DNAJB13: variants seen among roughly 807,000 people sequenced by gnomAD.
DNAJB13 encodes dnaJ homolog subfamily B member 13.
DNAJB13 carries 22 observed loss-of-function variants against 35.6 expected under a neutral mutation model. The ratio of observed to expected loss-of-function variants is 0.62; its 90% CI spans 0.44 to 0.88. The LOEUF (loss-of-function observed/expected upper bound fraction) is 0.88. Ranked by LOEUF, DNAJB13 falls within the 40% of genes least tolerant of loss-of-function variation. The pLI, the probability that DNAJB13 is intolerant of heterozygous loss-of-function variation, is 0.00. For synonymous variants in DNAJB13, 136 were observed against 144.2 expected (o/e 0.94, Z 0.41); for missense variants, 370 against 384.3 (o/e 0.96, Z 0.31).
chr11:73,958,409 T>TGCTGAGTG lies in DNAJB13; in HGVS notation c.162_169dup (p.Asp57GlyfsTer2). On this transcript the variant is annotated frameshift_variant, in exon 2 of 8. Transcript: ENST00000339764. LOFTEE classifies it high-confidence loss of function. ...AGGCAAATAGCAGAGGCCTACGACGTGCTGAGTGACCGTGAGTAGGTGTGG... is the reference window on the plus strand; with the variant it reads ...AGGCAAATAGCAGAGGCCTACGACGTGCTGAGTGGCTGAGTGACCGTGAGTAGGTGTGG... The TGCTGAGTG allele has an allele frequency of 6.2e-7, 1 of 1,614,104 alleles. No homozygotes were observed. Among genetic ancestry groups the TGCTGAGTG allele is most frequent in the South Asian group, 1.1e-5 (1 of 91,078 alleles).
intron 1 of DNAJB13, among the ~76,000 whole-genome samples, chr11:73,953,972 G>A (rs1262979920): frequency 1.4e-5 from 2 of 147,548 alleles, no homozygotes; most frequent in Non-Finnish European, 3.0e-5. Flanking sequence ...GGGCGACAGA[G>A]CGAGACTCTG....
chr11:73,953,534 G>T (rs1031130395), intron 1 of DNAJB13, among the ~76,000 whole-genome samples: 2 of 152,180 alleles, frequency 1.3e-5, no homozygotes, highest in Non-Finnish European at 2.9e-5. Context: ...TACGTGACGG[G>T]TTTCATGCAC....
chr11:73,954,629 C>CAA lies in DNAJB13; in HGVS notation c.68+3503_68+3504dup, dbSNP rs371177631. On this transcript the variant is annotated intron_variant, in intron 1 of 7. Transcript: ENST00000339764. ...TGGGCAACAGAGTGAGACTCCGTCT[C>CAA]AAAAAAAAAAAATAAAATAAATAAA... Among the ~76,000 whole-genome samples the CAA allele has an allele frequency of 8.1e-3, 902 of 111,658 alleles. 10 individuals are homozygous for CAA. Among genetic ancestry groups the CAA allele is most frequent in the African/African-American group, 0.029 (813 of 28,084 alleles). 73.3% of individuals were successfully genotyped at this position (111,658 alleles called of 152,430 possible). A position where few individuals can be genotyped will look rare whatever the true frequency, so the allele number is the denominator to read the frequency against.
At chr11:73,952,357 G>A (rs1216671646) in intron 1 of DNAJB13, among the ~76,000 whole-genome samples, 8 of 152,220 alleles carry the variant, frequency 5.3e-5, no homozygotes, top group African/African-American at 1.7e-4. Flanking sequence ...TGTTTTGAGT[G>A]TGTAGGTGCT....
chr11:73,951,254 C>G, intron 1 of DNAJB13, 117 bp downstream of exon 1: 2 of 1,250,464 alleles, frequency 1.6e-6, no homozygotes, highest in African/African-American at 1.5e-5. Flanking sequence ...CTTGTTCCTC[C>G]TTTCACTTCT....
intron 1 of DNAJB13, among the ~76,000 whole-genome samples, chr11:73,956,824 GTA>G (rs1308519899): frequency 1.6e-4 from 20 of 127,100 alleles, no homozygotes; most frequent in African/African-American, 6.0e-4. Context: ...AAAAAAAAAA[GTA>G]TATGTCTGGG....
At chr11:73,954,642 T>TA (rs372270433) in intron 1 of DNAJB13, among the ~76,000 whole-genome samples, 5 of 100,336 alleles carry the variant, frequency 5.0e-5, no homozygotes, top group South Asian at 3.6e-4. Context: ...AAAAAAAAAA[T>TA]AAAATAAATA....
chr11:73,956,243 G>A (rs1370175277), intron 1 of DNAJB13, among the ~76,000 whole-genome samples: 1 of 152,170 alleles, frequency 6.6e-6, no homozygotes, highest in Non-Finnish European at 1.5e-5. Context: ...CTAGAAAGGA[G>A]GCTAACAATC....
intron 3 of DNAJB13, chr11:73,963,991 T>C (rs1041494805): frequency 7.9e-5 from 12 of 152,186 alleles, no homozygotes; most frequent in African/African-American, 2.2e-4. Flanking sequence ...AGCGTTTTGT[T>C]TGGGCTCCCT....
At chr11:73,956,223 G>T (rs1005850705) in intron 1 of DNAJB13, among the ~76,000 whole-genome samples, 4 of 152,152 alleles carry the variant, frequency 2.6e-5, no homozygotes, top group African/African-American at 9.7e-5. Flanking sequence ...CTTGGGAAGG[G>T]GAGTCTAACC....
At position 73,966,169 on chromosome 11, in the gene DNAJB13, TC is replaced by T. The variant is rs757887310; in HGVS notation, c.525del (p.Lys176ArgfsTer5). 7 of 1,613,624 alleles carry T rather than the reference TC, an allele frequency of 4.3e-6. No homozygotes were observed. Among genetic ancestry groups the T allele is most frequent in the Non-Finnish European group, 5.9e-6 (7 of 1,179,912 alleles). On this transcript the variant is annotated frameshift_variant, in exon 5 of 8. Coordinates refer to ENST00000339764, the MANE Select transcript of DNAJB13 (RefSeq NM_153614.4). LOFTEE classifies it high-confidence loss of function. ...VLNEDGYSSTIKDKILTIDVK... is the reference protein window; with the variant it reads ...VLNEDGYSSTXKDKILTIDVK... ...AACGAGGATGGGTACTCCTCCACCA[TC>T]AAGGACAAGATCCTGACCATTGATG...
intron 4 of DNAJB13, chr11:73,965,311 C>A (rs1330059448): frequency 7.0e-6 from 2 of 285,350 alleles, no homozygotes; most frequent in Non-Finnish European, 1.3e-5. Context: ...TCAGCCCCAT[C>A]CCCGTGGGAA....
intron 1 of DNAJB13, 31 bp from the exon 2 acceptor site, chr11:73,958,286 A>G (rs1340868946): frequency 1.2e-6 from 2 of 1,609,578 alleles, no homozygotes; most frequent in African/African-American, 1.3e-5. Flanking sequence ...AGACCAGCTG[A>G]TAAGACTTGT....
At chr11:73,954,000 A>AAATAATAATAATAAT (rs71467812) in intron 1 of DNAJB13, among the ~76,000 whole-genome samples, 1 of 136,472 alleles carries the variant, frequency 7.3e-6, no homozygotes. Context: ...AATAATAATA[A>AAATAATAATAATAAT]AATAATAATA....
intron 7 of DNAJB13, 29 bp downstream of exon 7, chr11:73,969,351 G>C: frequency 1.2e-6 from 1 of 869,438 alleles, no homozygotes; most frequent in Non-Finnish European, 2.0e-6. Context: ...GGCCCCAGTA[G>C]CCAAGAGAAG....
intron 3 of DNAJB13, chr11:73,963,704 T>A (rs1478544116): frequency 6.6e-6 from 1 of 152,216 alleles, no homozygotes; most frequent in Non-Finnish European, 1.5e-5. Context: ...GCCTCTTGAT[T>A]GCCCATCGCA....
At chr11:73,959,362 C>A in intron 2 of DNAJB13, 132 bp from the exon 3 acceptor site, 2 of 1,009,184 alleles carry the variant, frequency 2.0e-6, no homozygotes, top group South Asian at 2.0e-5. Flanking sequence ...CCAAAGACTG[C>A]CAGACAGCAG....
rs185895395 is a variant in DNAJB13, at chr11:73,963,063, C to T, written c.335-1815C>T. ...GCAATCGGCCGGGCATGGTGGCTCA[C>T]ACCTGTAATCCCAGCACTTCAGGAG... On this transcript the variant is annotated intron_variant, in intron 3 of 7. Transcript: ENST00000339764. Among the ~76,000 whole-genome samples, 3 of 152,238 alleles carry T rather than the reference C, an allele frequency of 2.0e-5. No homozygotes were observed. The East Asian group carries it at 5.8e-4, about 29-fold the overall frequency.
At chr11:73,967,352 C>T (rs1951146550) in intron 5 of DNAJB13, among the ~76,000 whole-genome samples, 1 of 152,032 alleles carries the variant, frequency 6.6e-6, no homozygotes, top group Non-Finnish European at 1.5e-5. Flanking sequence ...ATTTATTGTC[C>T]AAGGCGTGCT....
Sources: gnomAD v4.1 joint callset for allele counts (sites outside exome capture counted in the v4.1 genomes callset) on GRCh38, gnomAD v4.1.1 for gene constraint, MANE v1.5 for transcripts, NCBI Gene and HGNC (gene_info 2026-07-23, HGNC 2026-07-21) for gene names.